SNX4: variants seen among roughly 807,000 people sequenced by gnomAD.
The protein encoded by SNX4 is sorting nexin-4.
Under a neutral mutation model 70.8 loss-of-function variants are expected in SNX4, and 49 were observed. The observed-to-expected ratio is 0.69, with a 90% CI of 0.55 to 0.88. The LOEUF is 0.88. Ranked by LOEUF, SNX4 falls within the 40% of genes least tolerant of loss-of-function variation. The pLI is 0.00. For synonymous variants in SNX4, 206 were observed against 183.8 expected, an observed-to-expected ratio of 1.12 and a Z score of -0.98; for missense variants, 528 against 544.8, an observed-to-expected ratio of 0.97 and a Z score of 0.31.
chr3:125,479,938 G>T (rs948140225), intron 7 of SNX4, among the ~76,000 whole-genome samples: 5 of 151,928 alleles, frequency 3.3e-5, no homozygotes, highest in Non-Finnish European at 4.4e-5. Context: ...AAACATGAAA[G>T]AATATGATGT....
intron 2 of SNX4, 150 bp from the exon 3 acceptor site, chr3:125,498,344 CAG>C: frequency 1.3e-6 from 1 of 774,320 alleles, no homozygotes; most frequent in Non-Finnish European, 2.0e-6. Context: ...TTTTTCAAGA[CAG>C]GGTCCCACTG....
intron 1 of SNX4, among the ~76,000 whole-genome samples, chr3:125,507,897 T>C (rs1935083641): frequency 6.6e-6 from 1 of 151,694 alleles, no homozygotes; most frequent in Admixed American, 6.6e-5. Context: ...TGGGCAACAG[T>C]CACACTCTGT....
chr3:125,517,047 T>TGA (rs1935298172), intron 1 of SNX4: 2 of 152,246 alleles, frequency 1.3e-5, no homozygotes, highest in Non-Finnish European at 2.9e-5. Flanking sequence ...TTTGTTCTAC[T>TGA]GTTTCCCCCC....
At chr3:125,511,857 T>A (rs943791384) in intron 1 of SNX4, among the ~76,000 whole-genome samples, 5 of 152,078 alleles carry the variant, frequency 3.3e-5, no homozygotes, top group Non-Finnish European at 4.4e-5. Context: ...CTAGCCACTA[T>A]AAGGTCTGAA....
intron 1 of SNX4, among the ~76,000 whole-genome samples, chr3:125,510,392 G>T (rs1935145086): frequency 6.6e-6 from 1 of 151,938 alleles, no homozygotes; most frequent in African/African-American, 2.4e-5. Context: ...CACACGCCCG[G>T]CTATTTTTTT....
intron 5 of SNX4, among the ~76,000 whole-genome samples, chr3:125,495,250 T>TTTTTTATATATATATATATATATATA (rs869243473): frequency 2.1e-4 from 8 of 38,156 alleles, no homozygotes; most frequent in South Asian, 2.2e-3. Flanking sequence ...CATTCTCTCT[T>TTTTTTATATATATATATATATATATA]TATATATATA....
rs75635554 is a variant in SNX4, at chr3:125,487,304, C to T, written c.653+2104G>A. Among the ~76,000 whole-genome samples the T allele has an allele frequency of 1.2e-3, 181 of 152,120 alleles. 3 individuals carry two copies. In the East Asian group the frequency reaches 0.033, roughly 27 times the overall value. On this transcript the variant is annotated intron_variant, in intron 6 of 13. Coordinates refer to ENST00000251775, the MANE Select transcript of SNX4 (RefSeq NM_003794.4). The stretch of plus-strand genomic sequence containing the variant: ...CAGCAATTATACACTTTAGCAAGAA[C>T]ATAAGGGCAAAAAAACTGCCTTGGT...
intron 5 of SNX4, among the ~76,000 whole-genome samples, chr3:125,496,456 C>T (rs1934795748): frequency 6.6e-6 from 1 of 152,012 alleles, no homozygotes; most frequent in African/African-American, 2.4e-5. Context: ...TTTTAAATTA[C>T]TGTAAAAAAA....
chr3:125,510,760 G>A (rs986981129), intron 1 of SNX4, among the ~76,000 whole-genome samples: 2 of 152,134 alleles, frequency 1.3e-5, no homozygotes, highest in Non-Finnish European at 2.9e-5. Flanking sequence ...CAGCAGCTGC[G>A]GCAGGGGGAA....
At chr3:125,482,125 T>C (rs1409151845) in intron 6 of SNX4, among the ~76,000 whole-genome samples, 2 of 152,220 alleles carry the variant, frequency 1.3e-5, no homozygotes, top group Admixed American at 1.3e-4. Flanking sequence ...CCAATCAGTC[T>C]TTCAATCTAT....
chr3:125,499,416 T>C (rs1934876733), intron 2 of SNX4, among the ~76,000 whole-genome samples: 1 of 152,198 alleles, frequency 6.6e-6, no homozygotes, highest in African/African-American at 2.4e-5. Context: ...CTCAGCACAA[T>C]AGATGCTCAT....
chr3:125,458,534 C>A (rs943877001), intron 10 of SNX4, among the ~76,000 whole-genome samples: 1 of 151,964 alleles, frequency 6.6e-6, no homozygotes, highest in Middle Eastern at 3.2e-3. Flanking sequence ...AGAAAAGATT[C>A]GGATGGGCGC....
intron 2 of SNX4, among the ~76,000 whole-genome samples, chr3:125,503,458 C>A (rs1464041620): frequency 1.3e-5 from 2 of 152,050 alleles, no homozygotes; most frequent in Admixed American, 6.6e-5. Context: ...TTATTTCCTA[C>A]TCCATAATTT....
At chr3:125,512,930 T>G (rs998026380) in intron 1 of SNX4, among the ~76,000 whole-genome samples, 1 of 152,140 alleles carries the variant, frequency 6.6e-6, no homozygotes, top group Non-Finnish European at 1.5e-5. Flanking sequence ...ATTCAACTAA[T>G]TTTTGTATTT....
intron 6 of SNX4, among the ~76,000 whole-genome samples, chr3:125,482,021 A>G (rs1405390197): frequency 2.0e-5 from 3 of 152,042 alleles, no homozygotes; most frequent in African/African-American, 7.2e-5. Context: ...TATGGGCATC[A>G]CCATGCCCAG....
intron 6 of SNX4, among the ~76,000 whole-genome samples, chr3:125,480,747 A>C (rs1032628647): frequency 6.6e-6 from 1 of 152,168 alleles, no homozygotes. Context: ...AAAACTTCTG[A>C]TGCACCATCT....
intron 7 of SNX4, 27 bp from the exon 8 acceptor site, chr3:125,476,783 C>T (rs1934298499): frequency 7.0e-7 from 1 of 1,432,366 alleles, no homozygotes; most frequent in Non-Finnish European, 9.7e-7. Flanking sequence ...ATAGAAATTG[C>T]TTTTAGGTCA....
intron 1 of SNX4, among the ~76,000 whole-genome samples, chr3:125,509,711 C>T (rs1935127574): frequency 7.3e-6 from 1 of 136,104 alleles, no homozygotes; most frequent in African/African-American, 2.9e-5. Flanking sequence ...TAAGATCATG[C>T]CACTGCACTC....
At chr3:125,468,840 C>A (rs1438514742) in intron 9 of SNX4, among the ~76,000 whole-genome samples, 1 of 139,192 alleles carries the variant, frequency 7.2e-6, no homozygotes, top group East Asian at 2.0e-4. Flanking sequence ...CAAAGTAAGA[C>A]CTAGTCTCTT....
Sources: gnomAD v4.1 joint callset for allele counts (sites outside exome capture counted in the v4.1 genomes callset) on GRCh38, gnomAD v4.1.1 for gene constraint, MANE v1.5 for transcripts, NCBI Gene and HGNC (gene_info 2026-07-23, HGNC 2026-07-21) for gene names.